The following DACH1 variants were observed in gnomAD, a reference collection of about 807,000 sequenced individuals.
DACH1 encodes the protein dachshund homolog 1.
A neutral mutation model predicts 54.2 loss-of-function variants in DACH1; 12 were observed. That is an observed-to-expected ratio of 0.22 (90% confidence interval 0.14 to 0.36). The LOEUF is 0.36. Ranked by LOEUF, DACH1 falls within the 10% of genes least tolerant of loss-of-function variation. The pLI is 1.00. For missense variants in DACH1, 805 were observed against 929.8 expected (o/e 0.87, Z 1.75); for synonymous variants, 386 against 366.2 (o/e 1.05, Z -0.62).
chr13:71,449,691 G>A (rs115135107), intron 10 of DACH1, among the ~76,000 whole-genome samples: 10 of 152,100 alleles, frequency 6.6e-5, no homozygotes, highest in South Asian at 2.1e-4. Context: ...TAAAGTAAAC[G>A]AATTTATTGC....
rs573653224 is a variant in DACH1, at chr13:71,553,829, T to G, written c.1570+3195A>C. 3.3e-5 allele frequency among the ~76,000 whole-genome samples: 5 copies of G among 151,788 alleles called. No homozygotes were observed. The East Asian group carries it at 9.7e-4, about 29-fold the overall frequency. Reference sequence around the variant, plus strand: ...GGGCTAATAGAATGGAGCCCATAGCTATTTAATATTAAGAAGAACATAAAA... The same window carrying G: ...GGGCTAATAGAATGGAGCCCATAGCGATTTAATATTAAGAAGAACATAAAA... On this transcript the variant is annotated intron_variant, in intron 6 of 10. Transcript: ENST00000613252.
At chr13:71,658,396 A>C (rs1023394264) in intron 2 of DACH1, among the ~76,000 whole-genome samples, 3 of 152,110 alleles carry the variant, frequency 2.0e-5, no homozygotes, top group African/African-American at 7.2e-5. Flanking sequence ...CTAAAAATAC[A>C]AAAGATTAGC....
At chr13:71,552,834 T>TAG (rs1883947144) in intron 6 of DACH1, among the ~76,000 whole-genome samples, 5 of 33,184 alleles carry the variant, frequency 1.5e-4, no homozygotes, top group Non-Finnish European at 1.6e-4. Flanking sequence ...TATATATATA[T>TAG]ATATATATAG....
intron 1 of DACH1, among the ~76,000 whole-genome samples, chr13:71,791,033 G>A (rs887945763): frequency 2.2e-4 from 33 of 152,134 alleles, no homozygotes; most frequent in Non-Finnish European, 3.7e-4. Context: ...ATCCAGTAAC[G>A]AAACAGCTGA....
intron 1 of DACH1, among the ~76,000 whole-genome samples, chr13:71,691,933 G>A (rs867834944): frequency 8.6e-5 from 13 of 151,982 alleles, no homozygotes; most frequent in Middle Eastern, 3.4e-3. Flanking sequence ...TGAGGTATGA[G>A]CAAGCAGGAG....
At chr13:71,485,034 C>G (rs553484047) in intron 7 of DACH1, among the ~76,000 whole-genome samples, 1 of 149,406 alleles carries the variant, frequency 6.7e-6, no homozygotes, top group Admixed American at 6.7e-5. Context: ...GCAGCCTGGG[C>G]GACAGAGGGA....
chr13:71,499,272 T>G (rs1879718565), intron 6 of DACH1, among the ~76,000 whole-genome samples: 1 of 152,212 alleles, frequency 6.6e-6, no homozygotes, highest in Non-Finnish European at 1.5e-5. Context: ...AATTGACCTT[T>G]CTGTCATTTC....
At chr13:71,744,974 T>G (rs1039733192) in intron 1 of DACH1, among the ~76,000 whole-genome samples, 2 of 152,196 alleles carry the variant, frequency 1.3e-5, no homozygotes, top group Non-Finnish European at 2.9e-5. Context: ...TTTTTATTTA[T>G]TCTTTTACCT....
intron 6 of DACH1, among the ~76,000 whole-genome samples, chr13:71,496,359 A>G (rs1879442968): frequency 6.8e-6 from 1 of 147,896 alleles, no homozygotes; most frequent in Non-Finnish European, 1.5e-5. Context: ...GTGTATATAT[A>G]TAGACAAAAT....
chr13:71,559,176 C>G (rs1356671109), intron 5 of DACH1, among the ~76,000 whole-genome samples: 1 of 152,002 alleles, frequency 6.6e-6, no homozygotes, highest in Non-Finnish European at 1.5e-5. Flanking sequence ...GCCATAACTA[C>G]CAAGATTAAA....
intron 1 of DACH1, among the ~76,000 whole-genome samples, chr13:71,789,861 A>T (rs1281448123): frequency 6.6e-6 from 1 of 152,154 alleles, no homozygotes; most frequent in East Asian, 1.9e-4. Flanking sequence ...AACAACAACA[A>T]CAAAAAATGT....
intron 1 of DACH1, among the ~76,000 whole-genome samples, chr13:71,741,130 C>G (rs1222698194): frequency 6.6e-6 from 1 of 152,126 alleles, no homozygotes; most frequent in Non-Finnish European, 1.5e-5. Context: ...TTTCCATTTT[C>G]TTAGAAGTAA....
At chr13:71,849,967 G>A (rs1268229478) in intron 1 of DACH1, among the ~76,000 whole-genome samples, 1 of 152,164 alleles carries the variant, frequency 6.6e-6, no homozygotes, top group Admixed American at 6.5e-5. Context: ...TGTACATCCA[G>A]ACGTGTGTAC....
intron 6 of DACH1, among the ~76,000 whole-genome samples, chr13:71,552,824 TATATATATATATATATATAGAGAGAG>T (rs1207606017): frequency 1.2e-3 from 62 of 50,972 alleles, no homozygotes; most frequent in Non-Finnish European, 1.7e-3. Context: ...TATATATATA[TATATATATATATATATATAGAGAGAG>T]AGAGAGAGAG....
intron 3 of DACH1, among the ~76,000 whole-genome samples, chr13:71,615,093 G>A (rs1419604385): frequency 6.6e-6 from 1 of 151,930 alleles, no homozygotes; most frequent in Non-Finnish European, 1.5e-5. Flanking sequence ...ATTATCCCAT[G>A]TTTATGGTAA....
At chr13:71,579,409 G>A (rs958341084) in intron 3 of DACH1, among the ~76,000 whole-genome samples, 7 of 151,832 alleles carry the variant, frequency 4.6e-5, no homozygotes, top group Admixed American at 1.3e-4. Context: ...TCTTTACTAC[G>A]GCCAATGATT....
At chr13:71,675,342 G>T in intron 2 of DACH1, 2 of 1,579,066 alleles carry the variant, frequency 1.3e-6, no homozygotes, top group Non-Finnish European at 1.7e-6. Flanking sequence ...TCGGTGCTTT[G>T]CAGGAGGCAA....
intron 6 of DACH1, among the ~76,000 whole-genome samples, chr13:71,493,378 C>A (rs1235790088): frequency 6.6e-6 from 1 of 151,972 alleles, no homozygotes; most frequent in Non-Finnish European, 1.5e-5. Flanking sequence ...TGGCTGCAGC[C>A]CTGGCTGACA....
chr13:71,730,053 T>C (rs143946067), intron 1 of DACH1, among the ~76,000 whole-genome samples: 1 of 152,184 alleles, frequency 6.6e-6, no homozygotes, highest in East Asian at 1.9e-4. Flanking sequence ...CAATGAAAGT[T>C]GATCAGTTTT....
Sources: gnomAD v4.1 joint callset for allele counts (sites outside exome capture counted in the v4.1 genomes callset) on GRCh38, gnomAD v4.1.1 for gene constraint, MANE v1.5 for transcripts, NCBI Gene and HGNC (gene_info 2026-07-23, HGNC 2026-07-21) for gene names.